PCDHA1: variants seen among roughly 807,000 people sequenced by gnomAD.
PCDHA1 encodes the protein protocadherin alpha 1.
PCDHA1 carries 42 observed loss-of-function variants against 61.3 expected under a neutral mutation model. The observed-to-expected ratio is 0.69, with a 90% CI of 0.54 to 0.89. The LOEUF is 0.89. Ranked by LOEUF, PCDHA1 falls within the 40% of genes least tolerant of loss-of-function variation. The pLI, the probability that PCDHA1 is intolerant of heterozygous loss-of-function variation, is 0.00. For missense variants in PCDHA1, 1,256 were observed against 1,235.3 expected, an observed-to-expected ratio of 1.02 and a Z score of -0.25; for synonymous variants, 610 against 553.8, an observed-to-expected ratio of 1.10 and a Z score of -1.43.
rs2150160654 is a variant in PCDHA1, at chr5:140,828,910, G to C, written c.2394+40226G>C. 5.1e-4 allele frequency: 824 copies of C among 1,613,504 alleles called. 1 individual carries two copies. Among genetic ancestry groups the C allele is most frequent in the East Asian group, 3.0e-3 (136 of 44,886 alleles). On this transcript the variant is annotated intron_variant, in intron 1 of 3. Coordinates refer to ENST00000504120, the MANE Select transcript of PCDHA1 (RefSeq NM_018900.4). ...ATGCTTCTGATCGGGATGAAGGAGC[G>C]AATGGGGCAATTTCATATTCTTTTA... is the stretch of plus-strand genomic sequence containing the variant.
chr5:140,841,492 G>A (rs2150316650), intron 1 of PCDHA1: 4 of 1,613,200 alleles, frequency 2.5e-6, no homozygotes, highest in Middle Eastern at 1.8e-4. Context: ...TGGAGCTGGC[G>A]GAGCTGGTGC....
chr5:140,795,211 A>G (rs1554119299), intron 1 of PCDHA1: 4 of 1,614,154 alleles, frequency 2.5e-6, no homozygotes, highest in Non-Finnish European at 3.4e-6. Flanking sequence ...GCAGAATGGC[A>G]TTTTGTTTGT....
intron 1 of PCDHA1, chr5:140,857,988 T>A (rs370495338): frequency 6.3e-7 from 1 of 1,596,894 alleles, no homozygotes; most frequent in South Asian, 1.1e-5. Context: ...CAGCGCCTAC[T>A]GGTGCTGGTG....
intron 1 of PCDHA1, chr5:140,869,216 A>C: frequency 6.2e-7 from 1 of 1,613,836 alleles, no homozygotes; most frequent in South Asian, 1.1e-5. Flanking sequence ...GTCTCGGAGG[A>C]GGCCAAACAC....
chr5:140,857,481 C>G (rs1554150087), intron 1 of PCDHA1: 1 of 1,598,530 alleles, frequency 6.3e-7, no homozygotes, highest in Non-Finnish European at 8.6e-7. Flanking sequence ...ACGGTGTCTG[C>G]GTGGGACGCG....
intron 1 of PCDHA1, among the ~76,000 whole-genome samples, chr5:140,906,949 A>G (rs1349850915): frequency 1.3e-5 from 2 of 152,144 alleles, no homozygotes; most frequent in Non-Finnish European, 2.9e-5. Flanking sequence ...CTTAATTTCC[A>G]GTTTAATGGA....
In PCDHA1 at chr5:140,858,035, ACTGTG is replaced by A. The variant is rs564025916; in HGVS notation, c.2394+69354_2394+69358del. On this transcript the variant is annotated intron_variant, in intron 1 of 3. Transcript: ENST00000504120. Reference sequence around the variant, plus strand: ...CGAGCCGTCGCTGACGGCCACGGCCACTGTGCTTGTGTCGCTTGTGGAGGGCAGCC... The same window carrying A: ...CGAGCCGTCGCTGACGGCCACGGCCACTTGTGTCGCTTGTGGAGGGCAGCC... The A allele has an allele frequency of 2.7e-4, 428 of 1,597,220 alleles. 17 individuals are homozygous for A. The African/African-American group carries it at 5.1e-3, about 19-fold the overall frequency.
Position 140,870,763 on chromosome 5 carries a change from G to C in PCDHA1, c.2394+82079G>C, listed in dbSNP as rs1386684596. The stretch of plus-strand genomic sequence containing the variant: ...CAGCAACGTGACGCTGCAGGTGTTC[G>C]TGCTGGACGAGAACGACAACGCGCC... On this transcript the variant is annotated intron_variant, in intron 1 of 3. Transcript: ENST00000504120. 1.1e-5 allele frequency: 18 copies of C among 1,613,434 alleles called. No individual in the cohort carries two copies. Among genetic ancestry groups the C allele is most frequent in the Admixed American group, 3.3e-5 (2 of 60,004 alleles).
At chr5:140,851,866 C>G in intron 1 of PCDHA1, 1 of 976,572 alleles carries the variant, frequency 1.0e-6, no homozygotes, top group Non-Finnish European at 1.2e-6. Flanking sequence ...TCATACATAA[C>G]ACAAGGCAGA....
intron 3 of PCDHA1, among the ~76,000 whole-genome samples, chr5:141,003,426 C>T (rs1316658550): frequency 1.3e-5 from 2 of 152,144 alleles, no homozygotes; most frequent in African/African-American, 4.8e-5. Context: ...ATTCTTATGC[C>T]TCAGCCTCCC....
At chr5:140,838,077 AGTGTGTGTGTGTGTGTGTGTGT>A (rs57130401) in intron 1 of PCDHA1, among the ~76,000 whole-genome samples, 4 of 80,664 alleles carry the variant, frequency 5.0e-5, no homozygotes, top group Admixed American at 1.2e-4. Flanking sequence ...ATATATATAT[AGTGTGTGTGTGTGTGTGTGTGT>A]GTGTGTGTGT....
chr5:140,832,024 T>A (rs1396101344), intron 1 of PCDHA1, among the ~76,000 whole-genome samples: 1 of 152,254 alleles, frequency 6.6e-6, no homozygotes, highest in African/African-American at 2.4e-5. Flanking sequence ...AAAGATTGAA[T>A]TTTTGTTATT....
In PCDHA1 at chr5:140,823,976, G is replaced by T. The variant is rs1247134130; in HGVS notation, c.2394+35292G>T. On this transcript the variant is annotated intron_variant, in intron 1 of 3. Coordinates refer to ENST00000504120, the MANE Select transcript of PCDHA1 (RefSeq NM_018900.4). Reference sequence around the variant, plus strand: ...CCCACCGAGGCCGTGTGCACACGGGGCAAGCCCACTCTGTTGTGCTCCAGC... The same window carrying T: ...CCCACCGAGGCCGTGTGCACACGGGTCAAGCCCACTCTGTTGTGCTCCAGC... 4 of 1,613,918 alleles carry T rather than the reference G, an allele frequency of 2.5e-6. No individual in the cohort carries two copies. In the African/African-American group the frequency reaches 5.3e-5, roughly 22 times the overall value.
intron 1 of PCDHA1, among the ~76,000 whole-genome samples, chr5:140,971,478 A>C (rs111781444): frequency 3.5e-4 from 53 of 152,260 alleles, no homozygotes; most frequent in African/African-American, 1.3e-3. Flanking sequence ...AGAGAGTGTC[A>C]CATTGTTACA....
chr5:140,899,931 C>G (rs1163496997), intron 1 of PCDHA1, among the ~76,000 whole-genome samples: 1 of 152,112 alleles, frequency 6.6e-6, no homozygotes, highest in African/African-American at 2.4e-5. Context: ...CCTCAGCCTC[C>G]TGAATAGCTG....
At chr5:140,966,527 G>C (rs1328867902) in intron 1 of PCDHA1, 2 of 444,184 alleles carry the variant, frequency 4.5e-6, no homozygotes, top group Non-Finnish European at 7.8e-6. Context: ...AAGCCGAGCC[G>C]GGTTGAGCGA....
At chr5:140,987,944 T>C (rs910006070) in intron 3 of PCDHA1, among the ~76,000 whole-genome samples, 11 of 152,186 alleles carry the variant, frequency 7.2e-5, no homozygotes, top group African/African-American at 2.7e-4. Context: ...CTTACCTGTC[T>C]GACAAAACCA....
At chr5:140,844,657 C>G (rs1252310311) in intron 1 of PCDHA1, among the ~76,000 whole-genome samples, 1 of 149,150 alleles carries the variant, frequency 6.7e-6, no homozygotes, top group South Asian at 2.1e-4. Context: ...TCTTGCAAAC[C>G]AAACATATAA....
At chr5:140,861,560 C>A in intron 1 of PCDHA1, 2 of 391,162 alleles carry the variant, frequency 5.1e-6, no homozygotes, top group Admixed American at 2.5e-5. Flanking sequence ...TGATCGTGGA[C>A]AAGCTGCTAC....
Sources: gnomAD v4.1 joint callset for allele counts (sites outside exome capture counted in the v4.1 genomes callset) on GRCh38, gnomAD v4.1.1 for gene constraint, MANE v1.5 for transcripts, NCBI Gene and HGNC (gene_info 2026-07-23, HGNC 2026-07-21) for gene names.